HMGN3: variants seen among roughly 807,000 people sequenced by gnomAD.
HMGN3 encodes the protein high mobility group nucleosome-binding domain-containing protein 3.
A neutral mutation model predicts 18.8 loss-of-function variants in HMGN3; 6 were observed. The ratio of observed to expected loss-of-function variants is 0.32; its 90% confidence interval spans 0.18 to 0.63. The LOEUF is 0.63. HMGN3 is among the 30% of genes least tolerant of loss of function. HMGN3 has a pLI of 0.79. For synonymous variants in HMGN3, 40 were observed against 36.5 expected, an observed-to-expected ratio of 1.10 and a Z score of -0.35; for missense variants, 107 against 114.2, an observed-to-expected ratio of 0.94 and a Z score of 0.29.
At chr6:79,228,455 T>C (rs1777667965) in intron 1 of HMGN3, among the ~76,000 whole-genome samples, 1 of 152,308 alleles carries the variant, frequency 6.6e-6, no homozygotes, top group Non-Finnish European at 1.5e-5. Flanking sequence ...CATTTATGGA[T>C]GTCAGGCCCT....
intron 2 of HMGN3, among the ~76,000 whole-genome samples, chr6:79,211,876 G>C (rs1181107658): frequency 6.6e-6 from 1 of 152,028 alleles, no homozygotes; most frequent in East Asian, 1.9e-4. Context: ...AAGTACACAG[G>C]GATAGCTAGA....
At chr6:79,211,432 G>A (rs1407987802) in intron 2 of HMGN3, among the ~76,000 whole-genome samples, 2 of 148,884 alleles carry the variant, frequency 1.3e-5, no homozygotes, top group Admixed American at 1.3e-4. Flanking sequence ...GTGGGACTAC[G>A]AGGGGAAAAA....
At chr6:79,208,503 T>C (rs749321040) in intron 3 of HMGN3, 44 bp downstream of exon 3, 8 of 1,482,308 alleles carry the variant, frequency 5.4e-6, no homozygotes, top group Non-Finnish European at 6.6e-6. Flanking sequence ...AAAGGGAACA[T>C]GTACTCATAA....
chr6:79,225,198 A>G (rs1777508719), intron 1 of HMGN3, among the ~76,000 whole-genome samples: 1 of 152,210 alleles, frequency 6.6e-6, no homozygotes, highest in Admixed American at 6.5e-5. Context: ...TATTATAAAA[A>G]CATCCCACAG....
At chr6:79,222,263 T>C (rs1427882890) in intron 1 of HMGN3, among the ~76,000 whole-genome samples, 1 of 152,202 alleles carries the variant, frequency 6.6e-6, no homozygotes, top group Middle Eastern at 3.2e-3. Context: ...ATTACTTTTA[T>C]TGTTTTTTTT....
intron 1 of HMGN3, among the ~76,000 whole-genome samples, chr6:79,220,535 C>G (rs35099838): frequency 0.049 from 7,387 of 152,306 alleles, 207 homozygotes; most frequent in South Asian, 0.099. Context: ...CAACCTCCAC[C>G]TCCTGGGTTC....
intron 1 of HMGN3, among the ~76,000 whole-genome samples, chr6:79,219,989 A>T (rs908476889): frequency 2.0e-5 from 3 of 152,212 alleles, no homozygotes; most frequent in African/African-American, 4.8e-5. Context: ...AAATTAAATA[A>T]CAAATTCAGC....
exon 4 of HMGN3, chr6:79,203,618 G>A: frequency 1.2e-6 from 2 of 1,612,570 alleles, no homozygotes; most frequent in East Asian, 4.5e-5. Flanking sequence ...TCAGGTTTTG[G>A]TGGAGCAGGT....
intron 1 of HMGN3, among the ~76,000 whole-genome samples, chr6:79,225,561 T>C (rs1446754846): frequency 6.6e-6 from 1 of 152,226 alleles, no homozygotes; most frequent in Non-Finnish European, 1.5e-5. Context: ...ATATATTGTA[T>C]AATATGCAAG....
chr6:79,209,357 T>C (rs1459732894), intron 2 of HMGN3, among the ~76,000 whole-genome samples: 2 of 152,328 alleles, frequency 1.3e-5, no homozygotes, highest in South Asian at 2.1e-4. Context: ...ACACACAAAA[T>C]TGATATTCTA....
At chr6:79,224,823 T>C (rs1435254432) in intron 1 of HMGN3, among the ~76,000 whole-genome samples, 1 of 152,220 alleles carries the variant, frequency 6.6e-6, no homozygotes, top group Non-Finnish European at 1.5e-5. Context: ...TGTTACCAGA[T>C]GGTTACTTTA....
At chr6:79,219,895 C>A (rs886305606) in intron 1 of HMGN3, among the ~76,000 whole-genome samples, 5 of 152,146 alleles carry the variant, frequency 3.3e-5, no homozygotes, top group South Asian at 4.1e-4. Flanking sequence ...ATAAAACTTA[C>A]AGTAGTTTTA....
chr6:79,203,620 G>A (rs1482141519), exon 4 of HMGN3: 12 of 1,611,658 alleles, frequency 7.4e-6, no homozygotes, highest in Admixed American at 1.7e-5. Context: ...AGGTTTTGGT[G>A]GAGCAGGTTT....
At chr6:79,206,679 C>T (rs1216577998) in intron 3 of HMGN3, among the ~76,000 whole-genome samples, 1 of 152,242 alleles carries the variant, frequency 6.6e-6, no homozygotes, top group Non-Finnish European at 1.5e-5. Context: ...AGAGTCCCTA[C>T]TGGGGAACTG....
chr6:79,202,976 T>C (rs1006303884), intron 4 of HMGN3, among the ~76,000 whole-genome samples: 5 of 152,108 alleles, frequency 3.3e-5, no homozygotes, highest in Admixed American at 2.6e-4. Flanking sequence ...CATGGGACAA[T>C]ACCAAAGGGC....
chr6:79,208,684 T>C, intron 2 of HMGN3, 108 bp from the exon 3 acceptor site: 1 of 874,000 alleles, frequency 1.1e-6, no homozygotes. Flanking sequence ...ATGACTATAA[T>C]GTATGATTCC....
intron 2 of HMGN3, 40 bp downstream of exon 2, chr6:79,214,932 A>G (rs769873563): frequency 7.6e-6 from 8 of 1,054,990 alleles, no homozygotes; most frequent in African/African-American, 1.6e-5. Context: ...AAACATTTCA[A>G]TGTAAATAAT....
intron 3 of HMGN3, among the ~76,000 whole-genome samples, chr6:79,206,875 C>T (rs761727370): frequency 5.3e-5 from 8 of 152,240 alleles, no homozygotes; most frequent in African/African-American, 1.2e-4. Flanking sequence ...TGGAAACCCA[C>T]GTCCTGCATC....
At chr6:79,202,239 A>G in intron 5 of HMGN3, 37 bp downstream of exon 5, 2 of 1,613,714 alleles carry the variant, frequency 1.2e-6, no homozygotes, top group Middle Eastern at 1.6e-4. Context: ...CTTTAAAGAC[A>G]CTGATTCAAT....
Sources: gnomAD v4.1 joint callset for allele counts (sites outside exome capture counted in the v4.1 genomes callset) on GRCh38, gnomAD v4.1.1 for gene constraint, MANE v1.5 for transcripts, NCBI Gene and HGNC (gene_info 2026-07-23, HGNC 2026-07-21) for gene names.